DLG2: variants seen among roughly 807,000 people sequenced by gnomAD.
DLG2 encodes the protein discs large MAGUK scaffold protein 2.
Under a neutral mutation model 132.5 loss-of-function variants are expected in DLG2, and 45 were observed. The observed-to-expected ratio is 0.34, with a 90% CI of 0.27 to 0.44. DLG2 has a LOEUF of 0.44. Among genes scored for constraint, DLG2 ranks in the 20% least tolerant of loss-of-function variants. The pLI is 1.00. For missense variants in DLG2, 1,045 were observed against 1,196.9 expected, an observed-to-expected ratio of 0.87 and a Z score of 1.87; for synonymous variants, 424 against 419.6, an observed-to-expected ratio of 1.01 and a Z score of -0.13.
chr11:84,619,502 T>C (rs1224301100), intron 6 of DLG2, among the ~76,000 whole-genome samples: 1 of 150,058 alleles, frequency 6.7e-6, no homozygotes, highest in African/African-American at 2.4e-5. Context: ...AATAATAAAA[T>C]TAAAACAAAA....
chr11:85,161,685 GGCTCAT>G (rs986764998), intron 4 of DLG2, among the ~76,000 whole-genome samples: 23 of 152,128 alleles, frequency 1.5e-4, no homozygotes, highest in Non-Finnish European at 2.8e-4. Context: ...TGTGATTGTG[GGCTCAT>G]GCTCATGCTC....
intron 18 of DLG2, among the ~76,000 whole-genome samples, chr11:83,663,823 G>T (rs902939735): frequency 6.6e-6 from 1 of 152,116 alleles, no homozygotes; most frequent in East Asian, 1.9e-4. Flanking sequence ...AGTTGTCAAG[G>T]GCATTGTAAT....
chr11:84,330,188 C>T (rs1257123946), intron 7 of DLG2, among the ~76,000 whole-genome samples: 1 of 152,186 alleles, frequency 6.6e-6, no homozygotes, highest in Non-Finnish European at 1.5e-5. Flanking sequence ...TTTAAAAATT[C>T]TGTAGTGCTT....
At chr11:85,081,733 C>T (rs915313155) in intron 6 of DLG2, among the ~76,000 whole-genome samples, 1 of 152,116 alleles carries the variant, frequency 6.6e-6, no homozygotes, top group African/African-American at 2.4e-5. Flanking sequence ...TGGCTGCTGG[C>T]ACCAGAATTG....
chr11:84,152,317 G>A (rs1303019051), intron 9 of DLG2, among the ~76,000 whole-genome samples: 1 of 124,888 alleles, frequency 8.0e-6, no homozygotes, highest in Non-Finnish European at 1.7e-5. Flanking sequence ...CTTTTGACTT[G>A]TTATTTTAAA....
chr11:84,163,594 G>C, intron 8 of DLG2, 83 bp from the exon 9 acceptor site: 5 of 1,168,952 alleles, frequency 4.3e-6, no homozygotes, highest in Non-Finnish European at 6.1e-6. Flanking sequence ...ATGCTTGGGG[G>C]TGAAATTTTC....
rs34470318 is a variant in DLG2 at position 84,770,643 on chromosome 11, CT to C, written c.358-235913del. Among the ~76,000 whole-genome samples, 268 of 140,258 alleles carry C rather than the reference CT, an allele frequency of 1.9e-3. 1 individual carries two copies. Among genetic ancestry groups the C allele is most frequent in the East Asian group, 0.015 (69 of 4,720 alleles). 92.0% of individuals were successfully genotyped at this position (140,258 alleles called of 152,430 possible). A position where few individuals can be genotyped will look rare whatever the true frequency, so the allele number is the denominator to read the frequency against. ...TTGCTGTAAAGGATATGATTTCATT[CT>C]TTTTTTTTTTTTTTGAGACGGAGTC... On this transcript the variant is annotated intron_variant, in intron 6 of 27. Transcript: ENST00000376104.
chr11:84,121,664 C>T (rs1424450037), intron 9 of DLG2, among the ~76,000 whole-genome samples: 2 of 148,786 alleles, frequency 1.3e-5, no homozygotes, highest in Admixed American at 6.8e-5. Flanking sequence ...CGGGTTCACG[C>T]CATTCTCCTG....
rs547826775 is a variant in DLG2, at chr11:85,544,342, T to A, written c.40+54315A>T. Among the ~76,000 whole-genome samples the A allele has an allele frequency of 1.1e-4, 17 of 152,292 alleles. No individual in the cohort carries two copies. In the South Asian group the frequency reaches 3.5e-3, roughly 32 times the overall value. On this transcript the variant is annotated intron_variant, in intron 3 of 27. Coordinates refer to ENST00000376104, the MANE Select transcript of DLG2 (RefSeq NM_001142699.3). The stretch of plus-strand genomic sequence containing the variant: ...TTTCTGAGGCTTCTGTTCTGTTCCA[T>A]TGGTTTATATATCTGTTTTGCTACC...
At chr11:84,952,241 T>C (rs1009834429) in intron 6 of DLG2, among the ~76,000 whole-genome samples, 1 of 152,210 alleles carries the variant, frequency 6.6e-6, no homozygotes, top group African/African-American at 2.4e-5. Context: ...TTTTTCTCAG[T>C]GCTTAAGAAT....
intron 4 of DLG2, among the ~76,000 whole-genome samples, chr11:85,251,938 AC>A (rs1489505983): frequency 1.3e-5 from 2 of 152,202 alleles, no homozygotes; most frequent in East Asian, 3.8e-4. Context: ...CATTAAAAAG[AC>A]AATTATAAAA....
chr11:84,268,460 C>CTT (rs145806678), intron 7 of DLG2, among the ~76,000 whole-genome samples: 9 of 119,238 alleles, frequency 7.5e-5, no homozygotes, highest in African/African-American at 1.3e-4. Context: ...TACTTCACCT[C>CTT]TTTTTTTTTT....
Position 84,916,116 on chromosome 11 carries a change from C to T in DLG2, c.357+195545G>A, listed in dbSNP as rs565828987. Among the ~76,000 whole-genome samples the T allele has an allele frequency of 6.6e-5, 10 of 151,758 alleles. No individual in the cohort carries two copies. The East Asian group carries it at 1.4e-3, about 21-fold the overall frequency. On this transcript the variant is annotated intron_variant, in intron 6 of 27. Transcript: ENST00000376104. ...ATCCCAGCACTTTGGGAGGCCGAGG[C>T]GGGCGGATCACGAGGTCAGGAGATC...
intron 5 of DLG2, among the ~76,000 whole-genome samples, chr11:85,129,607 TGGTGGAA>T (rs1180444580): frequency 4.6e-5 from 7 of 152,204 alleles, no homozygotes; most frequent in Non-Finnish European, 2.9e-5. Context: ...TTTACACTGT[TGGTGGAA>T]GTGTAAATTC....
chr11:84,805,950 A>C (rs899424955), intron 6 of DLG2, among the ~76,000 whole-genome samples: 3 of 152,252 alleles, frequency 2.0e-5, no homozygotes, highest in Non-Finnish European at 4.4e-5. Flanking sequence ...GGAAACATAG[A>C]AAGTCTCTGC....
chr11:85,072,982 C>A (rs2066074347), intron 6 of DLG2, among the ~76,000 whole-genome samples: 1 of 151,560 alleles, frequency 6.6e-6, no homozygotes, highest in South Asian at 2.1e-4. Context: ...TTTTTAATGT[C>A]AAAAATAAGA....
chr11:85,272,242 T>A (rs1040170309), intron 4 of DLG2, among the ~76,000 whole-genome samples: 1 of 152,196 alleles, frequency 6.6e-6, no homozygotes, highest in Non-Finnish European at 1.5e-5. Flanking sequence ...GTGCCTTCTT[T>A]CTGCCATAAT....
chr11:84,322,085 T>C (rs2098407918), intron 7 of DLG2, among the ~76,000 whole-genome samples: 1 of 152,244 alleles, frequency 6.6e-6, no homozygotes, highest in African/African-American at 2.4e-5. Context: ...CTGCATCCTT[T>C]GAACTCAGCA....
At chr11:83,867,355 T>C (rs1226308862) in intron 16 of DLG2, among the ~76,000 whole-genome samples, 1 of 152,204 alleles carries the variant, frequency 6.6e-6, no homozygotes, top group Non-Finnish European at 1.5e-5. Flanking sequence ...CACATATCAG[T>C]TACTATTAAA....
Sources: gnomAD v4.1 joint callset for allele counts (sites outside exome capture counted in the v4.1 genomes callset) on GRCh38, gnomAD v4.1.1 for gene constraint, MANE v1.5 for transcripts, NCBI Gene and HGNC (gene_info 2026-07-23, HGNC 2026-07-21) for gene names.